Variants in UHRF2 observed in about 807,000 individuals in gnomAD.
UHRF2 encodes the protein ubiquitin like with PHD and ring finger domains 2, also known as E3 ubiquitin-protein ligase UHRF2.
UHRF2 carries 23 observed loss-of-function variants against 96.8 expected under a neutral mutation model. The ratio of observed to expected loss-of-function variants is 0.24; its 90% CI spans 0.17 to 0.34. The LOEUF is 0.34. Ranked by LOEUF, UHRF2 falls within the 10% of genes least tolerant of loss-of-function variation. The probability of loss-of-function intolerance (pLI) is 1.00; values close to 1 mark genes in which losing one functional copy is unlikely to be tolerated. For missense variants in UHRF2, 685 were observed against 981.5 expected (o/e 0.70, Z 4.04); for synonymous variants, 385 against 332.6 (o/e 1.16, Z -1.72).
At chr9:6,496,197 A>C (rs1824955639) in intron 10 of UHRF2, 1 of 152,116 alleles carries the variant, frequency 6.6e-6, no homozygotes, top group Non-Finnish European at 1.5e-5. Context: ...TAAACCCTGA[A>C]GAAGTATTTT....
chr9:6,444,504 A>G (rs1821372460), intron 3 of UHRF2, among the ~76,000 whole-genome samples: 5 of 152,174 alleles, frequency 3.3e-5, no homozygotes, highest in Admixed American at 3.3e-4. Flanking sequence ...GAAACACTGC[A>G]TTTTCACCCA....
chr9:6,482,081 T>G lies in UHRF2; in HGVS notation c.1374T>G (p.Thr458=), dbSNP rs1360809059. Residue 458 remains threonine (T), a synonymous_variant, in exon 8 of 16, where the codon ACT becomes ACG. Coordinates refer to ENST00000276893, the MANE Select transcript of UHRF2 (RefSeq NM_152896.3). ...TTCCTGGTATTCCTGTTGGATCAAC[T>G]TGGAGATTTAGAGTTCAGGTATGTT... ...GPIPGIPVGS[T]WRFRVQVSEA... 2.5e-6 allele frequency: 4 copies of G among 1,613,938 alleles called. No homozygotes were observed. The highest frequency in any genetic ancestry group is 3.4e-6 in the Non-Finnish European group (4 of 1,179,946).
At position 6,506,266 on chromosome 9, in the gene UHRF2, A is replaced by C. The variant is rs1816578112; in HGVS notation, c.*87A>C. The C allele has an allele frequency of 2.0e-6, 3 of 1,535,234 alleles. No individual in the cohort carries two copies. The highest frequency in any genetic ancestry group is 3.6e-5 in the Admixed American group (2 of 55,100). On this transcript the variant is annotated 3_prime_UTR_variant, in exon 16 of 16. Transcript: ENST00000276893. ...GTGGGGAGGGTGGAAGAAATGGTGG[A>C]CTGTATCTCTCACGTTCTGAAGCAG...
At chr9:6,500,118 C>G (rs1240466855) in intron 13 of UHRF2, among the ~76,000 whole-genome samples, 187 bp downstream of exon 13, 2 of 152,016 alleles carry the variant, frequency 1.3e-5, no homozygotes, top group African/African-American at 4.8e-5. Flanking sequence ...CGGCTGTACA[C>G]CACCACACCT....
intron 3 of UHRF2, among the ~76,000 whole-genome samples, chr9:6,455,021 G>A (rs1316394656): frequency 6.6e-6 from 1 of 152,212 alleles, no homozygotes; most frequent in Non-Finnish European, 1.5e-5. Flanking sequence ...AACCACTGCT[G>A]TAGTAGCCTG....
At chr9:6,430,225 G>A (rs1194865216) in intron 2 of UHRF2, among the ~76,000 whole-genome samples, 3 of 152,142 alleles carry the variant, frequency 2.0e-5, no homozygotes, top group Non-Finnish European at 2.9e-5. Context: ...TGCCGGGCTG[G>A]TCTTGAACTC....
chr9:6,418,639 G>A (rs1819750408), intron 1 of UHRF2, among the ~76,000 whole-genome samples: 1 of 152,180 alleles, frequency 6.6e-6, no homozygotes, highest in African/African-American at 2.4e-5. Flanking sequence ...CATATGAAGA[G>A]TAGAAAATGA....
chr9:6,447,770 C>G (rs940965685), intron 3 of UHRF2, among the ~76,000 whole-genome samples: 1 of 152,126 alleles, frequency 6.6e-6, no homozygotes, highest in South Asian at 2.1e-4. Context: ...AGGCACAACA[C>G]TAATTAACAT....
intron 4 of UHRF2, among the ~76,000 whole-genome samples, chr9:6,473,883 T>A (rs1304762980): frequency 6.6e-6 from 1 of 152,206 alleles, no homozygotes; most frequent in African/African-American, 2.4e-5. Flanking sequence ...GAAAAAACTG[T>A]TTAACCCATA....
chr9:6,506,222 A>T lies in UHRF2; in HGVS notation c.*43A>T, dbSNP rs1367921431. ...TGTTGTTCATGGTGGCTTTTTGGAC[A>T]ATAAAGAATCTAAAATGGGTGGGGA... On this transcript the variant is annotated 3_prime_UTR_variant, in exon 16 of 16. Transcript: ENST00000276893. The T allele has an allele frequency of 6.2e-7, 1 of 1,605,390 alleles. No homozygotes were observed. The highest frequency in any genetic ancestry group is 1.3e-5 in the African/African-American group (1 of 74,612).
intron 10 of UHRF2, chr9:6,495,925 T>C (rs1824939874): frequency 6.6e-6 from 1 of 152,070 alleles, no homozygotes; most frequent in African/African-American, 2.4e-5. Flanking sequence ...CTGTAAGACG[T>C]AATAGTAGCC....
intron 1 of UHRF2, among the ~76,000 whole-genome samples, chr9:6,420,241 G>C (rs545951690): frequency 6.6e-6 from 1 of 151,896 alleles, no homozygotes; most frequent in Admixed American, 6.5e-5. Flanking sequence ...ATTTCTAGTA[G>C]AGACGGGGTT....
In UHRF2 at chr9:6,498,053, T is replaced by C. The variant is rs1825072153; in HGVS notation, c.1803T>C (p.His601=). The change falls in exon 12 of 16, where the codon CAT becomes CAC. Residue 601 remains histidine (H), a synonymous_variant. Coordinates refer to ENST00000276893, the MANE Select transcript of UHRF2 (RefSeq NM_152896.3). ...VKYWPEISSS[H]GFLVWRYLLR... ...ACTGGCCAGAGATTTCATCAAGCCA[T>C]GGATTCTTGGTTTGGCGCTATCTTT... is the stretch of plus-strand genomic sequence containing the variant. 1 of 1,613,348 alleles carries C rather than the reference T, an allele frequency of 6.2e-7. No individual in the cohort carries two copies. The highest frequency in any genetic ancestry group is 8.5e-7 in the Non-Finnish European group (1 of 1,179,954).
intron 3 of UHRF2, among the ~76,000 whole-genome samples, chr9:6,446,083 C>T (rs1821484467): frequency 6.8e-6 from 1 of 146,894 alleles, no homozygotes; most frequent in South Asian, 2.2e-4. Context: ...GCCTTGACTT[C>T]CCTGGCTCAG....
intron 4 of UHRF2, among the ~76,000 whole-genome samples, chr9:6,462,922 A>G (rs192805695): frequency 8.2e-4 from 125 of 152,006 alleles, no homozygotes; most frequent in African/African-American, 3.0e-3. Flanking sequence ...GTCTAAAAAA[A>G]AAGTTTTCCC....
chr9:6,448,153 A>G (rs945936100), intron 3 of UHRF2, among the ~76,000 whole-genome samples: 14 of 152,180 alleles, frequency 9.2e-5, no homozygotes, highest in African/African-American at 3.1e-4. Flanking sequence ...AGGCTCTAGA[A>G]GAAATGTTTC....
intron 9 of UHRF2, among the ~76,000 whole-genome samples, chr9:6,490,959 A>G (rs1824619341): frequency 6.6e-6 from 1 of 152,228 alleles, no homozygotes; most frequent in South Asian, 2.1e-4. Flanking sequence ...TAAGAAAAAA[A>G]GTTTCCTGAA....
intron 9 of UHRF2, among the ~76,000 whole-genome samples, chr9:6,491,176 C>T (rs1162295200): frequency 2.0e-5 from 3 of 152,178 alleles, no homozygotes; most frequent in Non-Finnish European, 4.4e-5. Flanking sequence ...TCTCAGTTGT[C>T]TTGAGAAGTA....
intron 14 of UHRF2, among the ~76,000 whole-genome samples, chr9:6,501,151 T>C (rs988428438): frequency 6.6e-5 from 10 of 152,226 alleles, no homozygotes; most frequent in Admixed American, 5.2e-4. Context: ...TTTCTAAATT[T>C]TCATTTTTTC....
Sources: allele counts gnomAD v4.1 joint callset (sites outside exome capture counted in the v4.1 genomes callset), GRCh38; gene constraint gnomAD v4.1.1; transcripts MANE v1.5; gene names NCBI Gene and HGNC (gene_info 2026-07-23, HGNC 2026-07-21).